The following HCRTR2 variants were observed in gnomAD, a reference collection of about 807,000 sequenced individuals.
HCRTR2 encodes hypocretin receptor 2.
In HCRTR2, 22 loss-of-function variants were observed where a neutral mutation model predicts 49.0. The observed-to-expected ratio is 0.45, with a 90% CI of 0.32 to 0.64. The LOEUF (loss-of-function observed/expected upper bound fraction) is 0.64, where lower values mean the gene tolerates loss of function less well. Ranked by LOEUF, HCRTR2 falls within the 30% of genes least tolerant of loss-of-function variation. The pLI is 0.04. For synonymous variants in HCRTR2, 236 were observed against 205.3 expected (o/e 1.15, Z -1.28); for missense variants, 491 against 559.4 (o/e 0.88, Z 1.23).
intron 1 of HCRTR2, among the ~76,000 whole-genome samples, chr6:55,199,210 A>G (rs1213798133): frequency 1.3e-5 from 2 of 151,962 alleles, no homozygotes; most frequent in Non-Finnish European, 2.9e-5. Flanking sequence ...ATTTTCCTTT[A>G]TGATCATCTA....
intron 1 of HCRTR2, among the ~76,000 whole-genome samples, chr6:55,117,203 G>A (rs918180861): frequency 1.3e-5 from 2 of 151,772 alleles, no homozygotes; most frequent in Non-Finnish European, 2.9e-5. Flanking sequence ...AGCAATACTT[G>A]AGTACAAATT....
At chr6:55,173,850 G>A (rs1039272773), upstream of HCRTR2, among the ~76,000 whole-genome samples, 5 of 152,212 alleles carry the variant, frequency 3.3e-5, no homozygotes, top group Non-Finnish European at 5.9e-5. Flanking sequence ...AGACGGAGAT[G>A]TCTTAAAGAC....
At chr6:55,236,138 G>A (rs1309836103) in intron 1 of HCRTR2, among the ~76,000 whole-genome samples, 2 of 151,868 alleles carry the variant, frequency 1.3e-5, no homozygotes, top group Admixed American at 1.3e-4. Context: ...TCCATGAGTA[G>A]GGTATATCCC....
chr6:55,185,398 T>A (rs1765200286), intron 1 of HCRTR2, among the ~76,000 whole-genome samples: 1 of 152,158 alleles, frequency 6.6e-6, no homozygotes. Flanking sequence ...TATGTGTTAT[T>A]TTTTCCCCCA....
At chr6:55,208,857 T>C (rs556678340) in intron 1 of HCRTR2, among the ~76,000 whole-genome samples, 1 of 152,314 alleles carries the variant, frequency 6.6e-6, no homozygotes, top group South Asian at 2.1e-4. Flanking sequence ...AAAAGAACCA[T>C]GCATTAAAAT....
At chr6:55,256,471 T>G (rs1226219952) in intron 3 of HCRTR2, among the ~76,000 whole-genome samples, 2 of 152,148 alleles carry the variant, frequency 1.3e-5, no homozygotes, top group African/African-American at 4.8e-5. Flanking sequence ...ACAGGATATA[T>G]CTACAGCAAG....
intron 1 of HCRTR2, among the ~76,000 whole-genome samples, chr6:55,117,778 A>G (rs1764138198): frequency 1.1e-5 from 1 of 91,302 alleles, no homozygotes; most frequent in African/African-American, 4.1e-5. Context: ...CTTGGGATAA[A>G]GTCTCAAAAA....
At position 55,251,812 on chromosome 6, in the gene HCRTR2, C is replaced by T. The variant is rs531384277; in HGVS notation, c.402+2995C>T. On this transcript the variant is annotated intron_variant, in intron 2 of 6. Coordinates refer to ENST00000370862, the MANE Select transcript of HCRTR2 (RefSeq NM_001384272.1). Reference sequence around the variant, plus strand: ...AACATTATCCTGTGCGAAGGGTGCCCATAGTATAGGTCAAAGACCAAGTAC... The same window carrying T: ...AACATTATCCTGTGCGAAGGGTGCCTATAGTATAGGTCAAAGACCAAGTAC... Among the ~76,000 whole-genome samples the T allele has an allele frequency of 2.2e-3, 331 of 152,068 alleles. 1 individual carries two copies. Among genetic ancestry groups the T allele is most frequent in the Non-Finnish European group, 4.3e-3 (291 of 67,980 alleles).
chr6:55,142,547 G>A (rs1764522436), intron 1 of HCRTR2, among the ~76,000 whole-genome samples: 3 of 151,870 alleles, frequency 2.0e-5, no homozygotes, highest in Admixed American at 6.6e-5. Context: ...TATATTTAAT[G>A]CACATTAATG....
At chr6:55,120,846 G>A (rs912184294) in intron 1 of HCRTR2, among the ~76,000 whole-genome samples, 19 of 151,846 alleles carry the variant, frequency 1.3e-4, no homozygotes, top group Non-Finnish European at 2.8e-4. Context: ...CTCTGTTTTG[G>A]TACCAGTACC....
chr6:55,232,080 C>A (rs9349771), intron 1 of HCRTR2, among the ~76,000 whole-genome samples: 27,590 of 151,996 alleles, frequency 0.18, 2,878 homozygotes, highest in Non-Finnish European at 0.24. Flanking sequence ...AATTTCAGAA[C>A]TCTATTCTGA....
chr6:55,193,275 A>G (rs1457309705), intron 1 of HCRTR2, among the ~76,000 whole-genome samples: 5 of 152,162 alleles, frequency 3.3e-5, no homozygotes, highest in African/African-American at 1.2e-4. Flanking sequence ...AGTGTTTACT[A>G]CTAAAGAGAT....
chr6:55,237,348 C>T (rs1447212225), intron 1 of HCRTR2, among the ~76,000 whole-genome samples: 1 of 152,180 alleles, frequency 6.6e-6, no homozygotes, highest in Non-Finnish European at 1.5e-5. Flanking sequence ...TCCCGTCAGT[C>T]ACTGGAGGCT....
At chr6:55,205,996 A>C (rs1765594629) in intron 1 of HCRTR2, among the ~76,000 whole-genome samples, 1 of 152,094 alleles carries the variant, frequency 6.6e-6, no homozygotes, top group Non-Finnish European at 1.5e-5. Flanking sequence ...GAAATAAAAA[A>C]ATTTAAAAAT....
At chr6:55,219,000 C>T (rs3122158) in intron 1 of HCRTR2, among the ~76,000 whole-genome samples, 152,145 of 152,264 alleles carry the variant, frequency 1, 76,013 homozygotes, top group Middle Eastern at 1. Flanking sequence ...ATTTTTTAAC[C>T]TTTTGTACAG....
intron 1 of HCRTR2, among the ~76,000 whole-genome samples, chr6:55,205,237 C>A (rs115416055): frequency 0.011 from 1,666 of 151,810 alleles, 25 homozygotes; most frequent in African/African-American, 0.038. Flanking sequence ...AGCTGTGAGC[C>A]GAGATGAGAT....
At chr6:55,137,767 CTGGG>C (rs1346755727) in intron 1 of HCRTR2, among the ~76,000 whole-genome samples, 1 of 152,238 alleles carries the variant, frequency 6.6e-6, no homozygotes, top group Non-Finnish European at 1.5e-5. Context: ...ACTTTACCTA[CTGGG>C]TAACTGTGAG....
intron 1 of HCRTR2, among the ~76,000 whole-genome samples, chr6:55,196,778 C>T (rs1219283721): frequency 6.6e-6 from 1 of 152,094 alleles, no homozygotes; most frequent in Non-Finnish European, 1.5e-5. Context: ...CTCTGACTAC[C>T]TCTCCTCTTT....
intron 1 of HCRTR2, among the ~76,000 whole-genome samples, chr6:55,110,178 G>T (rs188827750): frequency 6.6e-6 from 1 of 152,112 alleles, no homozygotes; most frequent in African/African-American, 2.4e-5. Flanking sequence ...GAGAGAATTC[G>T]CCACTATCAA....
Sources: allele counts gnomAD v4.1 joint callset (sites outside exome capture counted in the v4.1 genomes callset), GRCh38; gene constraint gnomAD v4.1.1; transcripts MANE v1.5; gene names NCBI Gene and HGNC (gene_info 2026-07-23, HGNC 2026-07-21).